Variants in NKAIN2 observed in about 807,000 individuals in gnomAD.
NKAIN2 encodes the protein sodium/potassium-transporting ATPase subunit beta-1-interacting protein 2.
A neutral mutation model predicts 32.6 loss-of-function variants in NKAIN2; 14 were observed. The ratio of observed to expected loss-of-function variants is 0.43; its 90% CI spans 0.28 to 0.67. NKAIN2 has a LOEUF of 0.67. NKAIN2 is among the 30% of genes least tolerant of loss of function. The pLI, the probability that NKAIN2 is intolerant of heterozygous loss-of-function variation, is 0.17. For synonymous variants in NKAIN2, 80 were observed against 87.2 expected (o/e 0.92, Z 0.46); for missense variants, 198 against 258.3 (o/e 0.77, Z 1.60).
intron 3 of NKAIN2, among the ~76,000 whole-genome samples, chr6:124,510,822 G>A (rs1778681922): frequency 6.6e-6 from 1 of 152,090 alleles, no homozygotes; most frequent in Non-Finnish European, 1.5e-5. Flanking sequence ...TTACTCACAT[G>A]TAGAAAATAT....
intron 3 of NKAIN2, among the ~76,000 whole-genome samples, chr6:124,513,426 G>A (rs926825002): frequency 2.6e-5 from 4 of 152,022 alleles, no homozygotes; most frequent in African/African-American, 9.7e-5. Flanking sequence ...CCATTTTGTG[G>A]CAATATTGTA....
intron 3 of NKAIN2, among the ~76,000 whole-genome samples, chr6:124,507,377 A>G (rs1035152936): frequency 3.9e-5 from 6 of 152,126 alleles, no homozygotes; most frequent in African/African-American, 7.2e-5. Context: ...ACCTTATCCT[A>G]TATTTCTATT....
At chr6:124,501,827 C>T (rs905910067) in intron 3 of NKAIN2, among the ~76,000 whole-genome samples, 2 of 152,142 alleles carry the variant, frequency 1.3e-5, no homozygotes, top group African/African-American at 4.8e-5. Context: ...TGGTAATATT[C>T]TCCTTCCCTT....
chr6:123,911,807 A>ATG lies in NKAIN2; in HGVS notation c.54+107554_54+107555insGT, dbSNP rs1562253444. On this transcript the variant is annotated intron_variant, in intron 1 of 6. Transcript: ENST00000368417. The stretch of plus-strand genomic sequence containing the variant: ...CATATATATATATATATATGTATAT[A>ATG]TATATACACACACACACACACACAC... Among the ~76,000 whole-genome samples, 9 of 103,736 alleles carry ATG rather than the reference A, an allele frequency of 8.7e-5. 1 individual carries two copies. The highest frequency in any genetic ancestry group is 3.5e-4 in the African/African-American group (8 of 22,822). 68.1% of individuals were successfully genotyped at this position (103,736 alleles called of 152,430 possible). A position where few individuals can be genotyped will look rare whatever the true frequency, so the allele number is the denominator to read the frequency against.
At chr6:123,816,066 A>T (rs911720649) in intron 1 of NKAIN2, among the ~76,000 whole-genome samples, 1 of 152,180 alleles carries the variant, frequency 6.6e-6, no homozygotes, top group African/African-American at 2.4e-5. Flanking sequence ...TACGATAGGG[A>T]GGATTTCTAT....
At chr6:123,804,526 A>G (rs1204677405) in intron 1 of NKAIN2, among the ~76,000 whole-genome samples, 3 of 152,166 alleles carry the variant, frequency 2.0e-5, no homozygotes, top group African/African-American at 7.2e-5. Flanking sequence ...GAAAAGCAAG[A>G]TGTAGCTCTT....
At chr6:124,030,102 A>G (rs1341588892) in intron 1 of NKAIN2, among the ~76,000 whole-genome samples, 1 of 152,104 alleles carries the variant, frequency 6.6e-6, no homozygotes. Context: ...CTAATGCCTA[A>G]TGACCTGTCA....
At position 124,552,701 on chromosome 6, in the gene NKAIN2, A is replaced by G. The variant is rs553798582; in HGVS notation, c.274-105485A>G. The stretch of plus-strand genomic sequence containing the variant: ...AATGTCTGCTTGTTGAACAGGGGGA[A>G]CAAAGCTCTCAGAATCAATGTCTAA... On this transcript the variant is annotated intron_variant, in intron 3 of 6. Coordinates refer to ENST00000368417, the MANE Select transcript of NKAIN2 (RefSeq NM_001040214.3). Among the ~76,000 whole-genome samples the G allele has an allele frequency of 7.2e-5, 11 of 152,338 alleles. No individual in the cohort carries two copies. The South Asian group carries it at 1.4e-3, about 20-fold the overall frequency.
At chr6:124,668,505 A>G (rs571299102) in intron 4 of NKAIN2, among the ~76,000 whole-genome samples, 1 of 152,202 alleles carries the variant, frequency 6.6e-6, no homozygotes, top group East Asian at 1.9e-4. Flanking sequence ...CCCCTGTTCC[A>G]TAACCTAATT....
intron 3 of NKAIN2, among the ~76,000 whole-genome samples, chr6:124,641,428 T>C (rs1488597035): frequency 6.8e-6 from 1 of 147,020 alleles, no homozygotes; most frequent in Non-Finnish European, 1.5e-5. Flanking sequence ...CAAGAAATAA[T>C]TAAAACATAT....
chr6:123,908,964 G>C (rs1775025311), intron 1 of NKAIN2, among the ~76,000 whole-genome samples: 1 of 152,114 alleles, frequency 6.6e-6, no homozygotes, highest in African/African-American at 2.4e-5. Flanking sequence ...CCATTGTTGT[G>C]TTGCCGAATT....
At chr6:124,263,303 A>T (rs1412717045) in intron 1 of NKAIN2, among the ~76,000 whole-genome samples, 3 of 152,222 alleles carry the variant, frequency 2.0e-5, no homozygotes, top group African/African-American at 4.8e-5. Flanking sequence ...TCATGCAGTC[A>T]TGAAGCTCTC....
intron 1 of NKAIN2, among the ~76,000 whole-genome samples, chr6:123,976,998 G>A (rs1778673928): frequency 6.6e-6 from 1 of 152,114 alleles, no homozygotes; most frequent in African/African-American, 2.4e-5. Context: ...AATCAAAAAA[G>A]AAATGTGGGA....
intron 1 of NKAIN2, among the ~76,000 whole-genome samples, chr6:124,056,455 G>A (rs1219865157): frequency 1.3e-5 from 2 of 151,756 alleles, no homozygotes; most frequent in African/African-American, 2.4e-5. Context: ...ATAAAGGCCA[G>A]TTCTTGTGAC....
intron 1 of NKAIN2, among the ~76,000 whole-genome samples, chr6:124,231,528 C>T (rs1046604246): frequency 5.9e-5 from 9 of 152,100 alleles, no homozygotes; most frequent in Admixed American, 5.2e-4. Context: ...ATAATTCCCA[C>T]GTGTCATGGG....
intron 1 of NKAIN2, among the ~76,000 whole-genome samples, chr6:123,976,356 T>TGTTCCC (rs1562287632): frequency 1.4e-4 from 4 of 28,220 alleles, no homozygotes; most frequent in African/African-American, 6.6e-4. Context: ...CCCATATATA[T>TGTTCCC]ATATATATAT....
At chr6:123,828,647 A>G (rs781481113) in intron 1 of NKAIN2, 1 of 152,150 alleles carries the variant, frequency 6.6e-6, no homozygotes, top group Non-Finnish European at 1.5e-5. Context: ...TCTGATCTCC[A>G]CTTAACTTTT....
chr6:124,140,846 T>C (rs371712975), intron 1 of NKAIN2, among the ~76,000 whole-genome samples: 65 of 152,222 alleles, frequency 4.3e-4, no homozygotes, highest in African/African-American at 1.6e-3. Context: ...ATTCTATTAT[T>C]ATCCTTCTAA....
At chr6:124,217,968 C>T (rs1306998488) in intron 1 of NKAIN2, among the ~76,000 whole-genome samples, 2 of 151,924 alleles carry the variant, frequency 1.3e-5, no homozygotes, top group East Asian at 1.9e-4. Flanking sequence ...AATTTGTATG[C>T]GGTCGTTTGC....
Sources: allele counts gnomAD v4.1 joint callset (sites outside exome capture counted in the v4.1 genomes callset), GRCh38; gene constraint gnomAD v4.1.1; transcripts MANE v1.5; gene names NCBI Gene and HGNC (gene_info 2026-07-23, HGNC 2026-07-21).